The following MYH15 variants were observed in gnomAD, a reference collection of about 807,000 sequenced individuals.
The protein encoded by MYH15 is myosin heavy chain 15, also known as myosin-15.
In MYH15, 227 loss-of-function variants were observed where a neutral mutation model predicts 240.5. The ratio of observed to expected loss-of-function variants is 0.94; its 90% CI spans 0.85 to 1.05. The LOEUF is 1.05. Ranked by LOEUF, MYH15 falls within the 50% of genes least tolerant of loss-of-function variation. The pLI, the probability that MYH15 is intolerant of heterozygous loss-of-function variation, is 0.00. For synonymous variants in MYH15, 785 were observed against 796.7 expected, an observed-to-expected ratio of 0.99 and a Z score of 0.25; for missense variants, 2,217 against 2,247.5, an observed-to-expected ratio of 0.99 and a Z score of 0.27.
chr3:108,528,488 C>T (rs1026829060), intron 1 of MYH15, among the ~76,000 whole-genome samples: 13 of 152,142 alleles, frequency 8.5e-5, no homozygotes, highest in Admixed American at 7.2e-4. Context: ...TTTTTCTGCA[C>T]TCTGCCATGG....
intron 22 of MYH15, among the ~76,000 whole-genome samples, chr3:108,443,858 T>C (rs2082904376): frequency 9.8e-6 from 1 of 102,256 alleles, no homozygotes; most frequent in African/African-American, 5.1e-5. Flanking sequence ...AGTCTAGGCA[T>C]CTTTATTTTT....
At chr3:108,384,093 T>C (rs565313325) in intron 39 of MYH15, among the ~76,000 whole-genome samples, 27 of 152,292 alleles carry the variant, frequency 1.8e-4, no homozygotes, top group African/African-American at 6.5e-4. Flanking sequence ...TAAAATTATA[T>C]GGGTCAACAG....
chr3:108,458,776 C>T (rs2083046082), intron 18 of MYH15, among the ~76,000 whole-genome samples: 2 of 151,710 alleles, frequency 1.3e-5, no homozygotes, highest in Admixed American at 1.3e-4. Context: ...CACTACCATC[C>T]ACCTATCACA....
intron 1 of MYH15, among the ~76,000 whole-genome samples, chr3:108,506,334 G>A (rs1189277774): frequency 6.6e-6 from 1 of 152,200 alleles, no homozygotes. Flanking sequence ...TGGCAGGGGG[G>A]CAGGTTGAGG....
chr3:108,463,851 G>T (rs1411715881), intron 15 of MYH15, among the ~76,000 whole-genome samples: 1 of 151,948 alleles, frequency 6.6e-6, no homozygotes, highest in African/African-American at 2.4e-5. Context: ...AGAAAGGGGG[G>T]AGAGAGCAAC....
intron 22 of MYH15, among the ~76,000 whole-genome samples, chr3:108,442,118 A>C (rs1462952109): frequency 6.6e-6 from 1 of 152,162 alleles, no homozygotes; most frequent in South Asian, 2.1e-4. Context: ...CTTTACATAC[A>C]TTTTCACCTT....
chr3:108,442,772 CTTTT>C (rs5851593), intron 22 of MYH15, among the ~76,000 whole-genome samples: 2 of 143,208 alleles, frequency 1.4e-5, no homozygotes, highest in Non-Finnish European at 3.0e-5. Flanking sequence ...CAAAATATTT[CTTTT>C]TTTTTTTTTT....
chr3:108,502,874 A>G (rs1314799137), intron 2 of MYH15, among the ~76,000 whole-genome samples: 1 of 151,946 alleles, frequency 6.6e-6, no homozygotes, highest in Non-Finnish European at 1.5e-5. Context: ...TATTTCAAGG[A>G]CTCATCTCCC....
the MYH15 span, chr3:108,550,153 C>T: frequency 4.0e-5 from 6 of 151,470 alleles, no homozygotes; most frequent in East Asian, 5.8e-4. Flanking sequence ...GATGTAAAAA[C>T]GTTTCTTACA....
chr3:108,381,651 G>A, intron 40 of MYH15, 92 bp from the exon 41 acceptor site: 1 of 1,418,902 alleles, frequency 7.0e-7, no homozygotes, highest in Non-Finnish European at 1.0e-6. Context: ...CCCTTCCAGA[G>A]GTAAGCAGGC....
chr3:108,497,953 G>T, intron 6 of MYH15, 99 bp downstream of exon 6: 1 of 946,234 alleles, frequency 1.1e-6, no homozygotes. Context: ...GTCCTGTGGT[G>T]CTTGTGGCCT....
At chr3:108,509,222 T>C (rs1047242766) in intron 1 of MYH15, among the ~76,000 whole-genome samples, 2 of 152,206 alleles carry the variant, frequency 1.3e-5, no homozygotes, top group Non-Finnish European at 2.9e-5. Flanking sequence ...GGAAGGATTG[T>C]TTGGTCCAAA....
At chr3:108,433,641 A>G (rs868710846) in intron 25 of MYH15, among the ~76,000 whole-genome samples, 3 of 152,138 alleles carry the variant, frequency 2.0e-5, no homozygotes, top group Non-Finnish European at 4.4e-5. Context: ...ATAGTGAGTA[A>G]GTCTCTTGAG....
intron 30 of MYH15, among the ~76,000 whole-genome samples, chr3:108,412,609 A>G (rs2082602860): frequency 6.6e-6 from 1 of 152,244 alleles, no homozygotes; most frequent in African/African-American, 2.4e-5. Context: ...TCTACGTTTA[A>G]TATCAACTAC....
Position 108,414,257 on chromosome 3 carries a change from T to C in MYH15, c.4120A>G (p.Arg1374Gly). ...TTGGCATCCTCCAAGTCTTCTGTTCTCTGGATGACATTGTTTTCATACTTC... is the reference window on the plus strand; with the variant it reads ...TTGGCATCCTCCAAGTCTTCTGTTCCCTGGATGACATTGTTTTCATACTTC... ...RMKYENNVIQ[R>G]TEDLEDAKKE... The change falls in exon 30 of 41, where the codon AGA (arginine) becomes GGA (glycine). Residue 1374 changes from arginine to glycine, a missense_variant. Physicochemically the swap from Arg to Gly is moderately radical, Grantham distance 125. Coordinates refer to ENST00000693548, the MANE Select transcript of MYH15 (RefSeq NM_014981.3). 1 of 1,614,194 alleles carries C rather than the reference T, an allele frequency of 6.2e-7. No individual in the cohort carries two copies. The highest frequency in any genetic ancestry group is 8.5e-7 in the Non-Finnish European group (1 of 1,180,010).
chr3:108,474,684 T>A (rs972687373), intron 12 of MYH15, among the ~76,000 whole-genome samples: 12 of 152,262 alleles, frequency 7.9e-5, no homozygotes, highest in Non-Finnish European at 1.6e-4. Flanking sequence ...ATTAGTTTTA[T>A]ACAGAGAAAA....
At chr3:108,420,855 A>G (rs553429577) in intron 28 of MYH15, among the ~76,000 whole-genome samples, 2 of 152,192 alleles carry the variant, frequency 1.3e-5, no homozygotes, top group Admixed American at 6.5e-5. Context: ...GCATATTATT[A>G]TAATTTTCTA....
At chr3:108,452,610 A>G (rs1489270982) in intron 21 of MYH15, among the ~76,000 whole-genome samples, 1 of 152,178 alleles carries the variant, frequency 6.6e-6, no homozygotes, top group Non-Finnish European at 1.5e-5. Context: ...GACTAAGCAC[A>G]TGTAAAATCA....
intron 25 of MYH15, among the ~76,000 whole-genome samples, chr3:108,433,219 G>C (rs1449186394): frequency 6.6e-6 from 1 of 152,202 alleles, no homozygotes; most frequent in Non-Finnish European, 1.5e-5. Flanking sequence ...CTGCTCTGCT[G>C]GATTTCAGAC....
Sources: gnomAD v4.1 joint callset for allele counts (sites outside exome capture counted in the v4.1 genomes callset) on GRCh38, gnomAD v4.1.1 for gene constraint, MANE v1.5 for transcripts, NCBI Gene and HGNC (gene_info 2026-07-23, HGNC 2026-07-21) for gene names.